COTL1: variants seen among roughly 807,000 people sequenced by gnomAD.
COTL1 encodes the protein coactosin like F-actin binding protein 1, also known as coactosin-like protein.
Under a neutral mutation model 16.5 loss-of-function variants are expected in COTL1, and 15 were observed. That is an observed-to-expected ratio of 0.91 (90% confidence interval 0.61 to 1.40). COTL1 has a LOEUF of 1.40. Among genes scored for constraint, COTL1 ranks in the 40% most tolerant of loss-of-function variants. COTL1 has a pLI of 0.00. For missense variants in COTL1, 220 were observed against 201.5 expected (o/e 1.09, Z -0.56); for synonymous variants, 112 against 85.3 (o/e 1.31, Z -1.73).
chr16:84,588,194 A>C (rs1182503369), intron 3 of COTL1, among the ~76,000 whole-genome samples: 2 of 152,002 alleles, frequency 1.3e-5, no homozygotes, highest in Non-Finnish European at 2.9e-5. Flanking sequence ...CAGCCTGGGC[A>C]ATATAGTGAG....
intron 2 of COTL1, among the ~76,000 whole-genome samples, chr16:84,600,259 G>A (rs576087362): frequency 8.7e-5 from 13 of 149,902 alleles, no homozygotes; most frequent in African/African-American, 3.2e-4. Context: ...CCATTACTCT[G>A]TTTATTTCTA....
intron 2 of COTL1, among the ~76,000 whole-genome samples, chr16:84,593,746 A>G (rs1005724651): frequency 6.6e-6 from 1 of 151,996 alleles, no homozygotes; most frequent in Non-Finnish European, 1.5e-5. Context: ...TGATCCGCCC[A>G]CCTCGGCCTC....
At chr16:84,609,808 C>T (rs989020966) in intron 2 of COTL1, among the ~76,000 whole-genome samples, 5 of 152,198 alleles carry the variant, frequency 3.3e-5, no homozygotes, top group African/African-American at 7.2e-5. Context: ...CCTGCTGCCA[C>T]GTAAAGAAGG....
chr16:84,614,544 G>C (rs1036451669), intron 2 of COTL1, among the ~76,000 whole-genome samples: 1 of 152,120 alleles, frequency 6.6e-6, no homozygotes, highest in African/African-American at 2.4e-5. Context: ...GCCAGGGAAG[G>C]GGGTGTTTCA....
chr16:84,598,174 T>G (rs1291385455), intron 2 of COTL1, among the ~76,000 whole-genome samples: 1 of 152,142 alleles, frequency 6.6e-6, no homozygotes, highest in Admixed American at 6.5e-5. Flanking sequence ...TGCCCTCCCC[T>G]TCCCACCCAG....
intron 2 of COTL1, among the ~76,000 whole-genome samples, chr16:84,612,575 G>A (rs758830389): frequency 1.3e-5 from 2 of 152,162 alleles, no homozygotes; most frequent in Non-Finnish European, 2.9e-5. Context: ...CTGAGGTCAG[G>A]AGTTTGAGAC....
intron 2 of COTL1, among the ~76,000 whole-genome samples, chr16:84,614,002 C>T (rs1158575363): frequency 6.6e-6 from 1 of 152,180 alleles, no homozygotes; most frequent in Non-Finnish European, 1.5e-5. Context: ...TGCCCAGGGG[C>T]TAAACCTCCC....
At chr16:84,576,815 G>A in intron 3 of COTL1, 1 of 152,340 alleles carries the variant, frequency 6.6e-6, no homozygotes, top group African/African-American at 2.4e-5. Context: ...TCACAATGAA[G>A]GCTGCCTGCT....
chr16:84,610,318 G>C (rs1383122640), intron 2 of COTL1, among the ~76,000 whole-genome samples: 2 of 152,186 alleles, frequency 1.3e-5, no homozygotes, highest in Admixed American at 1.3e-4. Context: ...GCTCATGAAA[G>C]TGAACCGTCT....
intron 3 of COTL1, among the ~76,000 whole-genome samples, chr16:84,589,120 G>A (rs1904801676): frequency 6.6e-6 from 1 of 151,918 alleles, no homozygotes; most frequent in African/African-American, 2.4e-5. Flanking sequence ...ACAGCCATGT[G>A]CCACCATGCC....
At chr16:84,591,634 T>TAAAAAAAAAA (rs372775821) in intron 2 of COTL1, among the ~76,000 whole-genome samples, 5 of 75,186 alleles carry the variant, frequency 6.7e-5, no homozygotes, top group African/African-American at 2.0e-4. Context: ...ATCACCTCTC[T>TAAAAAAAAAA]AAAAAAAAAA....
chr16:84,573,295 C>T (rs1013276160), intron 3 of COTL1, among the ~76,000 whole-genome samples: 3 of 152,238 alleles, frequency 2.0e-5, no homozygotes, highest in Non-Finnish European at 4.4e-5. Flanking sequence ...CGCTTTCAGG[C>T]GCTCAGTGGC....
chr16:84,598,820 G>C (rs1283790433), intron 2 of COTL1, among the ~76,000 whole-genome samples: 1 of 146,218 alleles, frequency 6.8e-6, no homozygotes, highest in Non-Finnish European at 1.5e-5. Context: ...CCAAGCGGCA[G>C]GGGTGGGGGG....
At chr16:84,584,575 T>C (rs2966322) in intron 3 of COTL1, among the ~76,000 whole-genome samples, 152,143 of 152,286 alleles carry the variant, frequency 1, 76,000 homozygotes, top group Non-Finnish European at 1. Context: ...CCTGTGTGGC[T>C]GACGGCTGGC....
intron 2 of COTL1, among the ~76,000 whole-genome samples, chr16:84,598,124 C>T (rs1262127754): frequency 6.6e-6 from 1 of 152,166 alleles, no homozygotes; most frequent in Admixed American, 6.5e-5. Context: ...AGAGCCCAGG[C>T]CAATTGCACG....
At chr16:84,589,957 A>G (rs1205421368) in intron 3 of COTL1, 148 bp downstream of exon 3, 6 of 696,022 alleles carry the variant, frequency 8.6e-6, no homozygotes, top group Middle Eastern at 3.6e-4. Flanking sequence ...CATTTCACCA[A>G]TGGCTTTACT....
chr16:84,604,413 C>T (rs1310883711), intron 2 of COTL1, among the ~76,000 whole-genome samples: 1 of 148,432 alleles, frequency 6.7e-6, no homozygotes, highest in Non-Finnish European at 1.5e-5. Flanking sequence ...GCTTTTTCAT[C>T]CTAAGATATT....
chr16:84,572,965 G>C (rs1904365607), intron 3 of COTL1, among the ~76,000 whole-genome samples: 1 of 151,896 alleles, frequency 6.6e-6, no homozygotes, highest in Non-Finnish European at 1.5e-5. Context: ...TGTTGCCCAG[G>C]CTGGTCTCAA....
intron 3 of COTL1, among the ~76,000 whole-genome samples, chr16:84,587,786 A>ATTTATTTAT (rs1339903500): frequency 6.6e-6 from 1 of 151,728 alleles, no homozygotes; most frequent in Non-Finnish European, 1.5e-5. Flanking sequence ...TTATTTATTT[A>ATTTATTTAT]TTTATTTATT....
Sources: allele counts gnomAD v4.1 joint callset (sites outside exome capture counted in the v4.1 genomes callset), GRCh38; gene constraint gnomAD v4.1.1; transcripts MANE v1.5; gene names NCBI Gene and HGNC (gene_info 2026-07-23, HGNC 2026-07-21).